The following COL11A1 variants were observed in gnomAD, a reference collection of about 807,000 sequenced individuals.
COL11A1 encodes the protein collagen alpha-1(XI) chain.
A neutral mutation model predicts 265.2 loss-of-function variants in COL11A1; 74 were observed. The observed-to-expected ratio is 0.28, with a 90% CI of 0.23 to 0.34. The LOEUF (loss-of-function observed/expected upper bound fraction) is 0.34, where lower values mean the gene tolerates loss of function less well. COL11A1 is among the 10% of genes least tolerant of loss of function. COL11A1 has a pLI of 1.00. For synonymous variants in COL11A1, 816 were observed against 727.6 expected (o/e 1.12, Z -1.96); for missense variants, 2,165 against 2,263.6 (o/e 0.96, Z 0.88).
In COL11A1 at chr1:102,878,104, G is replaced by C; in HGVS notation, c.5336C>G (p.Pro1779Arg). ...EINTPKIDQV[P>R]IVDVMINDFG... is the part of the protein sequence containing the mutation. ...GTCATTGATCATGACATCAACAATA[G>C]GTACTTGATCAATTTTTGGTGTATT... is the stretch of plus-strand genomic sequence containing the variant. Residue 1779 changes from proline (P) to arginine (R), a missense_variant, in exon 67 of 67, where the codon CCT (proline) becomes CGT (arginine). Pro to Arg is a moderately radical substitution (Grantham distance 103). Transcript: ENST00000370096. 6.2e-7 allele frequency: 1 copy of C among 1,613,016 alleles called. No homozygotes were observed. Among genetic ancestry groups the C allele is most frequent in the South Asian group, 1.1e-5 (1 of 91,034 alleles).
In COL11A1 at chr1:102,958,341, G is replaced by A. The variant is rs556103316; in HGVS notation, c.3168+3525C>T. Reference sequence around the variant, plus strand: ...ATTCTTTTTTTTTTCAATATTAATTGCAAGGGAAACTCATAGTAAGTTTTG... The same window carrying A: ...ATTCTTTTTTTTTTCAATATTAATTACAAGGGAAACTCATAGTAAGTTTTG... On this transcript the variant is annotated intron_variant, in intron 41 of 66. Coordinates refer to ENST00000370096, the MANE Select transcript of COL11A1 (RefSeq NM_001854.4). Among the ~76,000 whole-genome samples the A allele has an allele frequency of 1.3e-3, 192 of 150,312 alleles. 1 individual carries two copies. Among genetic ancestry groups the A allele is most frequent in the Middle Eastern group, 0.01 (3 of 294 alleles).
intron 15 of COL11A1, among the ~76,000 whole-genome samples, chr1:103,006,687 G>A (rs938652134): frequency 2.0e-5 from 3 of 151,674 alleles, no homozygotes; most frequent in South Asian, 2.1e-4. Flanking sequence ...ACAGGCGCCC[G>A]CCACTATGCC....
At chr1:103,018,768 A>T (rs1666764989) in intron 10 of COL11A1, 50 bp downstream of exon 10, 2 of 1,355,220 alleles carry the variant, frequency 1.5e-6, no homozygotes, top group African/African-American at 2.9e-5. Context: ...TAGAAATCTT[A>T]TATATGATTA....
rs763739377 is a variant in COL11A1, at chr1:103,022,932, C to T, written c.1055G>A (p.Arg352Lys). 2.5e-6 allele frequency: 4 copies of T among 1,613,462 alleles called. No individual in the cohort carries two copies. In the Admixed American group the frequency reaches 6.7e-5, roughly 27 times the overall value. ...YLTGEDYDSQ[R>K]KNSEDTLYEN... ...ATATAGTGTATCCTCAGAATTTTTCCTCTGGGAATCATAATCCTCTCCCGT... is the reference window on the plus strand; with the variant it reads ...ATATAGTGTATCCTCAGAATTTTTCTTCTGGGAATCATAATCCTCTCCCGT... The change falls in exon 8 of 67, where the codon AGG becomes AAG. Residue 352 changes from arginine to lysine, a missense_variant. Physicochemically the swap from Arg to Lys is conservative, Grantham distance 26 (BLOSUM62 2). Coordinates refer to ENST00000370096, the MANE Select transcript of COL11A1 (RefSeq NM_001854.4).
chr1:102,978,724 C>A lies in COL11A1; in HGVS notation c.2738G>T (p.Gly913Val), dbSNP rs1259202618. 1.9e-6 allele frequency: 3 copies of A among 1,613,950 alleles called. No homozygotes were observed. Among genetic ancestry groups the A allele is most frequent in the Non-Finnish European group, 2.5e-6 (3 of 1,179,950 alleles). Residue 913 changes from glycine (G) to valine (V), a missense_variant, in exon 35 of 67, where the codon GGC (glycine) becomes GTC (valine). Physicochemically the swap from Gly to Val is moderately radical, Grantham distance 109 (BLOSUM62 -3). Coordinates refer to ENST00000370096, the MANE Select transcript of COL11A1 (RefSeq NM_001854.4). The stretch of plus-strand genomic sequence containing the variant: ...CATACGTACTCTTTCACCTGGAGGG[C>A]CAGGAGGGCCATCGCCACCTGAAGT... Reference protein sequence around the residue: ...KGTSGGDGPPGPPGERGPQGP... With the variant: ...KGTSGGDGPPVPPGERGPQGP...
chr1:103,032,579 G>C (rs887988079), intron 4 of COL11A1, among the ~76,000 whole-genome samples: 1 of 151,866 alleles, frequency 6.6e-6, no homozygotes, highest in East Asian at 1.9e-4. Flanking sequence ...TGCCAAGAAA[G>C]GAATAAGTTA....
chr1:102,979,286 C>T, intron 32 of COL11A1, 96 bp downstream of exon 32: 1 of 1,249,786 alleles, frequency 8.0e-7, no homozygotes, highest in Non-Finnish European at 1.2e-6. Context: ...AATCCTCCAC[C>T]TGAGCCTCAC....
At chr1:103,018,172 T>C (rs1417472107) in intron 10 of COL11A1, among the ~76,000 whole-genome samples, 2 of 152,062 alleles carry the variant, frequency 1.3e-5, no homozygotes, top group African/African-American at 2.4e-5. Flanking sequence ...ACTGAAGAAA[T>C]GGAACACTCA....
chr1:102,917,141 C>T, intron 49 of COL11A1, among the ~76,000 whole-genome samples: 1 of 151,814 alleles, frequency 6.6e-6, no homozygotes, highest in Non-Finnish European at 1.5e-5. Context: ...AGGCATCACA[C>T]TACCTGACTT....
intron 29 of COL11A1, among the ~76,000 whole-genome samples, chr1:102,989,311 T>C (rs1663888399): frequency 6.6e-6 from 1 of 151,878 alleles, no homozygotes; most frequent in African/African-American, 2.4e-5. Context: ...CCTATGGAAA[T>C]ATAACATCTA....
At chr1:102,954,239 A>G (rs190497017) in intron 41 of COL11A1, among the ~76,000 whole-genome samples, 40 of 152,180 alleles carry the variant, frequency 2.6e-4, no homozygotes, top group African/African-American at 8.4e-4. Context: ...TCTAAAACTT[A>G]CAATGATAAT....
chr1:103,008,627 T>A, intron 14 of COL11A1, 111 bp from the exon 15 acceptor site: 1 of 949,036 alleles, frequency 1.1e-6, no homozygotes, highest in Non-Finnish European at 1.7e-6. Flanking sequence ...TATTTAATCA[T>A]ATTAGCATTA....
intron 65 of COL11A1, 42 bp from the exon 66 acceptor site, chr1:102,879,958 C>T: frequency 4.0e-6 from 5 of 1,259,966 alleles, no homozygotes; most frequent in Non-Finnish European, 5.8e-6. Flanking sequence ...GACTCTTTTC[C>T]TCTTTTATGC....
At chr1:103,010,418 T>C (rs888564025) in intron 14 of COL11A1, among the ~76,000 whole-genome samples, 11 of 152,188 alleles carry the variant, frequency 7.2e-5, no homozygotes, top group African/African-American at 2.7e-4. Flanking sequence ...GCTAAAACTT[T>C]CATATCAAAG....
intron 35 of COL11A1, among the ~76,000 whole-genome samples, chr1:102,977,298 A>G (rs1436101371): frequency 9.9e-5 from 15 of 152,204 alleles, no homozygotes. Context: ...CAAGGAACAT[A>G]GGAAATATGT....
intron 57 of COL11A1, among the ~76,000 whole-genome samples, chr1:102,894,579 G>C (rs930172371): frequency 2.6e-5 from 4 of 151,710 alleles, no homozygotes; most frequent in African/African-American, 9.7e-5. Context: ...ATTTAATGTT[G>C]GTTGACTACT....
chr1:103,055,693 G>T (rs1293369431), intron 4 of COL11A1, among the ~76,000 whole-genome samples: 1 of 152,130 alleles, frequency 6.6e-6, no homozygotes, highest in Non-Finnish European at 1.5e-5. Flanking sequence ...TTTGAATGTG[G>T]CCCAAAACAA....
intron 54 of COL11A1, among the ~76,000 whole-genome samples, chr1:102,911,681 T>G (rs1223578834): frequency 6.6e-6 from 1 of 152,188 alleles, no homozygotes. Flanking sequence ...AGCACATCAT[T>G]AAAATACTGT....
intron 42 of COL11A1, among the ~76,000 whole-genome samples, chr1:102,943,367 C>T (rs1658929982): frequency 6.6e-6 from 1 of 151,880 alleles, no homozygotes; most frequent in South Asian, 2.1e-4. Context: ...TCAGTATTCT[C>T]GATCTTTTAC....
Sources: allele counts gnomAD v4.1 joint callset (sites outside exome capture counted in the v4.1 genomes callset), GRCh38; gene constraint gnomAD v4.1.1; transcripts MANE v1.5; gene names NCBI Gene and HGNC (gene_info 2026-07-23, HGNC 2026-07-21).